The following ARMC2 variants were observed in gnomAD, a reference collection of about 807,000 sequenced individuals.
ARMC2 encodes the protein armadillo repeat containing 2, also known as armadillo repeat-containing protein 2.
ARMC2 carries 67 observed loss-of-function variants against 90.3 expected under a neutral mutation model. The observed-to-expected ratio is 0.74, with a 90% CI of 0.61 to 0.91. The LOEUF is 0.91. ARMC2 is among the 40% of genes least tolerant of loss of function. The probability of loss-of-function intolerance (pLI) is 0.00; values close to 1 mark genes in which losing one functional copy is unlikely to be tolerated. For synonymous variants in ARMC2, 393 were observed against 393.0 expected, an observed-to-expected ratio of 1.00 and a Z score of 0.00; for missense variants, 920 against 1,030.9, an observed-to-expected ratio of 0.89 and a Z score of 1.47.
the ARMC2 span, among the ~76,000 whole-genome samples, chr6:109,031,114 A>G: frequency 6.6e-6 from 1 of 152,242 alleles, no homozygotes; most frequent in Non-Finnish European, 1.5e-5. Context: ...AAAGATGGGT[A>G]AAGGGGAATG....
rs1256174212 is a variant in ARMC2, at chr6:108,855,398, G to A, written c.218+913G>A. ...CAAGTAGCTGGGACTACAGGCGCCC[G>A]CCACCAAACCCAGCTAATTTTTTTG... On this transcript the variant is annotated intron_variant, in intron 2 of 17. Coordinates refer to ENST00000392644, the MANE Select transcript of ARMC2 (RefSeq NM_032131.6). 2.6e-5 allele frequency among the ~76,000 whole-genome samples: 4 copies of A among 151,934 alleles called. No individual in the cohort carries two copies. In the South Asian group the frequency reaches 8.3e-4, roughly 32 times the overall value.
rs368904987 is a variant in ARMC2, at chr6:108,860,640, C to T, written c.291+2369C>T. Reference sequence around the variant, plus strand: ...TCGCGCCACTGCACTCCAGCCTGGGCGACAGAGCAAGACTCCATCTCAAAA... The same window carrying T: ...TCGCGCCACTGCACTCCAGCCTGGGTGACAGAGCAAGACTCCATCTCAAAA... On this transcript the variant is annotated intron_variant, in intron 3 of 17. Coordinates refer to ENST00000392644, the MANE Select transcript of ARMC2 (RefSeq NM_032131.6). Among the ~76,000 whole-genome samples the T allele has an allele frequency of 6.0e-5, 8 of 132,760 alleles. 1 individual carries two copies. In the East Asian group the frequency reaches 1.3e-3, roughly 21 times the overall value. The allele number at this position is 132,760 out of a possible 152,430, so 87.1% of individuals were successfully genotyped here. A position where few individuals can be genotyped will look rare whatever the true frequency, so the allele number is the denominator to read the frequency against.
At chr6:108,865,638 T>C (rs1469598888) in intron 3 of ARMC2, among the ~76,000 whole-genome samples, 1 of 152,184 alleles carries the variant, frequency 6.6e-6, no homozygotes, top group African/African-American at 2.4e-5. Context: ...TGAGGAGCAT[T>C]TGTGGGACTT....
intron 12 of ARMC2, among the ~76,000 whole-genome samples, chr6:108,938,074 TA>T (rs1248160446): frequency 1.3e-5 from 2 of 152,228 alleles, no homozygotes; most frequent in Non-Finnish European, 2.9e-5. Context: ...TTTCATAAGT[TA>T]TTAAAGTGAC....
intron 4 of ARMC2, among the ~76,000 whole-genome samples, chr6:108,875,629 ATTATC>A (rs1464595335): frequency 2.0e-5 from 3 of 152,012 alleles, no homozygotes; most frequent in African/African-American, 7.3e-5. Context: ...CATAGCACTT[ATTATC>A]TTATAACATG....
intron 4 of ARMC2, among the ~76,000 whole-genome samples, chr6:108,875,338 A>G (rs1453026740): frequency 1.3e-5 from 2 of 152,132 alleles, no homozygotes; most frequent in East Asian, 3.9e-4. Context: ...CTGGGCCTCC[A>G]CAATCCACCC....
the ARMC2 span, among the ~76,000 whole-genome samples, chr6:109,022,493 G>A: frequency 4.2e-4 from 57 of 135,552 alleles, no homozygotes; most frequent in Non-Finnish European, 6.2e-4. Flanking sequence ...CGCGATCTCG[G>A]CTCATTGCAA....
the ARMC2 span, among the ~76,000 whole-genome samples, chr6:108,989,547 CTAGA>C: frequency 9.8e-6 from 1 of 102,392 alleles, no homozygotes; most frequent in Admixed American, 8.6e-5. Flanking sequence ...AGAGATATCT[CTAGA>C]TCTAGATCTC....
intron 3 of ARMC2, among the ~76,000 whole-genome samples, chr6:108,864,405 T>C (rs1361786538): frequency 6.6e-6 from 1 of 152,022 alleles, no homozygotes; most frequent in African/African-American, 2.4e-5. Context: ...CCCACCACCA[T>C]GCCCAGCTAA....
intron 1 of ARMC2, among the ~76,000 whole-genome samples, chr6:108,851,864 G>A (rs992974106): frequency 2.6e-5 from 4 of 152,200 alleles, no homozygotes; most frequent in African/African-American, 9.7e-5. Flanking sequence ...ACTTAGCACA[G>A]TGCTTGGTGT....
the ARMC2 span, chr6:108,990,722 C>T: frequency 3.7e-6 from 6 of 1,614,032 alleles, no homozygotes; most frequent in Admixed American, 1.7e-5. Flanking sequence ...TGTGCATTGC[C>T]ATTGTATTAT....
intron 13 of ARMC2, among the ~76,000 whole-genome samples, chr6:108,956,150 T>A (rs996402581): frequency 3.3e-5 from 5 of 152,158 alleles, no homozygotes; most frequent in African/African-American, 1.2e-4. Context: ...TCCCTTTACC[T>A]GACTGTGGCT....
rs552718060 is a variant in ARMC2, at chr6:108,894,887, C to T, written c.748+344C>T. On this transcript the variant is annotated intron_variant, in intron 6 of 17. Coordinates refer to ENST00000392644, the MANE Select transcript of ARMC2 (RefSeq NM_032131.6). ...GTTCATGCCATTCTCCTGCCTCAGC[C>T]TCCTGAGTAGCTGGGACTACAGGCG... Among the ~76,000 whole-genome samples, 729 of 150,766 alleles carry T rather than the reference C, an allele frequency of 4.8e-3. 8 individuals carry two copies. Among genetic ancestry groups the T allele is most frequent in the African/African-American group, 0.017 (703 of 41,142 alleles).
At chr6:109,049,478 G>A in the ARMC2 span, among the ~76,000 whole-genome samples, 5 of 151,990 alleles carry the variant, frequency 3.3e-5, no homozygotes, top group African/African-American at 1.2e-4. Flanking sequence ...AGCAATGTAG[G>A]ATAACTATAG....
chr6:108,998,231 G>A, the ARMC2 span, among the ~76,000 whole-genome samples: 5 of 152,134 alleles, frequency 3.3e-5, no homozygotes, highest in Admixed American at 6.5e-5. Flanking sequence ...TGGTCCTGAC[G>A]GGACACATGC....
chr6:109,025,886 C>T, the ARMC2 span, among the ~76,000 whole-genome samples: 1 of 148,566 alleles, frequency 6.7e-6, no homozygotes, highest in Admixed American at 6.7e-5. Context: ...AAGAATAGGA[C>T]AAAGGTAATA....
intron 4 of ARMC2, among the ~76,000 whole-genome samples, chr6:108,875,797 T>G (rs1776875002): frequency 6.6e-6 from 1 of 152,048 alleles, no homozygotes; most frequent in South Asian, 2.1e-4. Flanking sequence ...GAATGAAAAA[T>G]TATGTGATCA....
the ARMC2 span, among the ~76,000 whole-genome samples, chr6:108,991,519 C>T: frequency 1.3e-5 from 2 of 152,228 alleles, no homozygotes; most frequent in East Asian, 1.9e-4. Context: ...TGGGATTACA[C>T]GTGGGAGCCA....
chr6:108,930,422 T>C (rs1395845936), intron 11 of ARMC2, among the ~76,000 whole-genome samples: 2 of 152,020 alleles, frequency 1.3e-5, no homozygotes, highest in East Asian at 3.9e-4. Flanking sequence ...CAATACAAAA[T>C]TGTGAGTGTT....
Sources: allele counts gnomAD v4.1 joint callset (sites outside exome capture counted in the v4.1 genomes callset), GRCh38; gene constraint gnomAD v4.1.1; transcripts MANE v1.5; gene names NCBI Gene and HGNC (gene_info 2026-07-23, HGNC 2026-07-21).